ZFHX3: variants seen among roughly 807,000 people sequenced by gnomAD.
ZFHX3 encodes the protein zinc finger homeobox protein 3.
A neutral mutation model predicts 279.1 loss-of-function variants in ZFHX3; 42 were observed. The ratio of observed to expected loss-of-function variants is 0.15; its 90% CI spans 0.12 to 0.19. ZFHX3 has a LOEUF of 0.19. Ranked by LOEUF, ZFHX3 falls within the 10% of genes least tolerant of loss-of-function variation. The pLI is 1.00. For missense variants in ZFHX3, 4,981 were observed against 4,754.0 expected (o/e 1.05, Z -1.40); for synonymous variants, 2,293 against 1,957.8 (o/e 1.17, Z -4.52).
At position 73,346,434 on chromosome 16, in the gene ZFHX3, T is replaced by C. The variant is rs140622091; in HGVS notation, c.-1290-28098A>G. Among the ~76,000 whole-genome samples the C allele has an allele frequency of 2.1e-3, 322 of 152,274 alleles. 2 individuals carry two copies. The highest frequency in any genetic ancestry group is 7.1e-3 in the African/African-American group (294 of 41,560). On this transcript the variant is annotated intron_variant, in intron 3 of 17. Coordinates refer to the ZFHX3 transcript ENST00000641206. ...ACCCAAGGTGAAGAAGAATCACAGA[T>C]TGGCCAAAACAGCTATGGAATGGGT...
chr16:73,213,330 C>A (rs766177136), intron 5 of ZFHX3, among the ~76,000 whole-genome samples: 1 of 152,126 alleles, frequency 6.6e-6, no homozygotes, highest in South Asian at 2.1e-4. Flanking sequence ...ACTTTGACAC[C>A]CTGCCTCACC....
intron 2 of ZFHX3, among the ~76,000 whole-genome samples, chr16:73,464,200 A>T (rs938733027): frequency 6.6e-5 from 10 of 152,134 alleles, no homozygotes; most frequent in South Asian, 6.2e-4. Flanking sequence ...AAGTGGAAGA[A>T]AGAGAGAAAG....
exon 8 of ZFHX3, chr16:73,093,584 C>A: frequency 2.0e-6 from 1 of 512,446 alleles, no homozygotes; most frequent in Non-Finnish European, 3.9e-6. Context: ...TCATCTTGGG[C>A]TAACCGGTCG....
chr16:73,495,104 T>C (rs1357868804), intron 2 of ZFHX3, among the ~76,000 whole-genome samples: 2 of 152,220 alleles, frequency 1.3e-5, no homozygotes, highest in Non-Finnish European at 2.9e-5. Flanking sequence ...GCAGAGTACG[T>C]TGTTTCTAAT....
chr16:73,130,201 T>G (rs1465745447), intron 7 of ZFHX3, among the ~76,000 whole-genome samples: 1 of 151,814 alleles, frequency 6.6e-6, no homozygotes, highest in Non-Finnish European at 1.5e-5. Context: ...GTTCCGAAGG[T>G]GAGCTCCTCT....
chr16:73,668,554 T>G (rs1241304113), intron 2 of ZFHX3, among the ~76,000 whole-genome samples: 1 of 152,094 alleles, frequency 6.6e-6, no homozygotes, highest in Non-Finnish European at 1.5e-5. Flanking sequence ...GAACATGTGG[T>G]GTTTGGTTTT....
intron 2 of ZFHX3, among the ~76,000 whole-genome samples, chr16:73,482,464 C>G (rs1476872498): frequency 2.0e-5 from 3 of 152,170 alleles, no homozygotes; most frequent in Non-Finnish European, 4.4e-5. Context: ...CACCCACTCC[C>G]TGCTAGAGGG....
At chr16:72,860,754 C>T (rs1282006488) in intron 4 of ZFHX3, among the ~76,000 whole-genome samples, 1 of 152,072 alleles carries the variant, frequency 6.6e-6, no homozygotes, top group East Asian at 1.9e-4. Context: ...TTTAGGTCCC[C>T]TTTGGAGCTG....
intron 1 of ZFHX3, among the ~76,000 whole-genome samples, chr16:73,735,791 T>C (rs755853236): frequency 6.6e-6 from 1 of 152,182 alleles, no homozygotes; most frequent in Non-Finnish European, 1.5e-5. Context: ...GCAGGAGCTG[T>C]TTCCCATCAT....
intron 7 of ZFHX3, among the ~76,000 whole-genome samples, chr16:73,115,924 G>T (rs1029682167): frequency 1.3e-5 from 2 of 152,206 alleles, no homozygotes; most frequent in Middle Eastern, 3.4e-3. Flanking sequence ...TTGCAGAACA[G>T]CCTGACCAAC....
intron 4 of ZFHX3, among the ~76,000 whole-genome samples, chr16:73,279,463 A>AT (rs140980152): frequency 0.02 from 3,042 of 152,242 alleles, 57 homozygotes; most frequent in South Asian, 0.04. Context: ...GGAACATTGC[A>AT]TTTTTTATAT....
At chr16:73,230,410 A>G (rs1033989969) in intron 5 of ZFHX3, among the ~76,000 whole-genome samples, 7 of 152,328 alleles carry the variant, frequency 4.6e-5, no homozygotes, top group African/African-American at 1.7e-4. Flanking sequence ...AGAGCCCTGA[A>G]GTTTCATAAT....
intron 2 of ZFHX3, among the ~76,000 whole-genome samples, chr16:73,643,259 AT>A (rs1292591319): frequency 1.3e-5 from 2 of 152,244 alleles, no homozygotes; most frequent in Non-Finnish European, 2.9e-5. Flanking sequence ...GGGAATGGCT[AT>A]TGGTTAAAAT....
At chr16:73,452,477 T>C (rs980707499) in intron 3 of ZFHX3, among the ~76,000 whole-genome samples, 1 of 152,204 alleles carries the variant, frequency 6.6e-6, no homozygotes, top group Non-Finnish European at 1.5e-5. Context: ...AGGCAGGCAG[T>C]CCTAGGTAGT....
intron 1 of ZFHX3, among the ~76,000 whole-genome samples, chr16:73,778,099 T>C (rs1004267470): frequency 1.3e-5 from 2 of 151,808 alleles, no homozygotes; most frequent in Non-Finnish European, 1.5e-5. Context: ...TTTTAAAAGC[T>C]CACTCCCATG....
At chr16:73,297,757 T>A (rs1203117465) in intron 4 of ZFHX3, among the ~76,000 whole-genome samples, 1 of 152,036 alleles carries the variant, frequency 6.6e-6, no homozygotes, top group African/African-American at 2.4e-5. Flanking sequence ...GGGCAAGTTA[T>A]AGAACCTCTC....
intron 4 of ZFHX3, among the ~76,000 whole-genome samples, chr16:73,267,551 C>A (rs184810835): frequency 2.6e-5 from 4 of 152,112 alleles, no homozygotes; most frequent in Admixed American, 1.3e-4. Flanking sequence ...AAGGGACGAG[C>A]CTCAATGACA....
At chr16:73,722,520 G>T (rs146772314) in intron 1 of ZFHX3, among the ~76,000 whole-genome samples, 28 of 152,270 alleles carry the variant, frequency 1.8e-4, no homozygotes, top group African/African-American at 6.0e-4. Flanking sequence ...CCCATTCAGA[G>T]AAGATAGTTC....
At chr16:73,832,205 C>CTTT (rs59475247) in intron 1 of ZFHX3, among the ~76,000 whole-genome samples, 1 of 146,248 alleles carries the variant, frequency 6.8e-6, no homozygotes, top group Non-Finnish European at 1.5e-5. Flanking sequence ...ACCTCATATG[C>CTTT]TTTTTTTTTT....
Sources: gnomAD v4.1 joint callset for allele counts (sites outside exome capture counted in the v4.1 genomes callset) on GRCh38, gnomAD v4.1.1 for gene constraint, MANE v1.5 for transcripts, NCBI Gene and HGNC (gene_info 2026-07-23, HGNC 2026-07-21) for gene names.